Variants in DNAJC1 observed in about 807,000 individuals in gnomAD.
DNAJC1 encodes the protein DnaJ heat shock protein family (Hsp40) member C1.
A neutral mutation model predicts 76.6 loss-of-function variants in DNAJC1; 58 were observed. The observed-to-expected ratio is 0.76, with a 90% CI of 0.61 to 0.94. DNAJC1 has a LOEUF of 0.94. Among genes scored for constraint, DNAJC1 ranks in the 40% least tolerant of loss-of-function variants. The pLI is 0.00. For missense variants in DNAJC1, 689 were observed against 677.3 expected (o/e 1.02, Z -0.19); for synonymous variants, 258 against 267.9 (o/e 0.96, Z 0.36).
rs188701225 is a variant in DNAJC1, at chr10:21,987,774, T to C, written c.222+15439A>G. Among the ~76,000 whole-genome samples the C allele has an allele frequency of 2.8e-3, 425 of 152,086 alleles. 7 individuals are homozygous for C. Among genetic ancestry groups the C allele is most frequent in the Non-Finnish European group, 4.9e-4 (33 of 67,956 alleles). On this transcript the variant is annotated intron_variant, in intron 1 of 11. Transcript: ENST00000376980. Reference sequence around the variant, plus strand: ...CAACACTCTTCTTTCCAAAGTAATATAATCTACACGGATATATGTTAGTAA... The same window carrying C: ...CAACACTCTTCTTTCCAAAGTAATACAATCTACACGGATATATGTTAGTAA...
intron 8 of DNAJC1, 150 bp downstream of exon 8, chr10:21,882,132 T>A (rs1329760626): frequency 5.7e-6 from 4 of 704,514 alleles, no homozygotes; most frequent in Middle Eastern, 4.3e-4. Context: ...CCAGCCTGGG[T>A]GACAGAGCGA....
chr10:21,843,628 C>T (rs1030781998), intron 8 of DNAJC1, among the ~76,000 whole-genome samples: 1 of 151,940 alleles, frequency 6.6e-6, no homozygotes. Flanking sequence ...CTCCTGACCT[C>T]GTGATCCACT....
intron 8 of DNAJC1, among the ~76,000 whole-genome samples, chr10:21,875,728 C>A (rs1376156702): frequency 6.6e-6 from 1 of 152,138 alleles, no homozygotes; most frequent in African/African-American, 2.4e-5. Flanking sequence ...GAGTTCAGAC[C>A]AGCCTGGCCA....
chr10:21,957,043 C>G (rs376254253), intron 1 of DNAJC1, among the ~76,000 whole-genome samples: 2 of 151,944 alleles, frequency 1.3e-5, no homozygotes, highest in East Asian at 1.9e-4. Context: ...AGGTACCCGC[C>G]ACCGCACCTG....
At chr10:21,905,902 C>G (rs1215323713) in intron 6 of DNAJC1, among the ~76,000 whole-genome samples, 2 of 152,118 alleles carry the variant, frequency 1.3e-5, no homozygotes, top group East Asian at 3.8e-4. Flanking sequence ...ATAGACCCAT[C>G]TGAGAGAGCT....
intron 9 of DNAJC1, among the ~76,000 whole-genome samples, chr10:21,771,504 C>CTT (rs58483474): frequency 1.4e-5 from 2 of 146,316 alleles, no homozygotes; most frequent in Non-Finnish European, 1.5e-5. Flanking sequence ...TTGTCAAACA[C>CTT]TTTTTTTTTT....
intron 8 of DNAJC1, among the ~76,000 whole-genome samples, chr10:21,847,539 CT>C (rs1353128215): frequency 6.6e-6 from 1 of 152,072 alleles, no homozygotes; most frequent in African/African-American, 2.4e-5. Flanking sequence ...AGAACTTATT[CT>C]TTCTAACTGT....
intron 7 of DNAJC1, among the ~76,000 whole-genome samples, chr10:21,901,871 G>A (rs1836660812): frequency 6.6e-6 from 1 of 151,978 alleles, no homozygotes; most frequent in Non-Finnish European, 1.5e-5. Context: ...AGAAGGATGG[G>A]GCAAATGAAA....
intron 1 of DNAJC1, among the ~76,000 whole-genome samples, chr10:21,962,789 T>C (rs1407188207): frequency 6.6e-6 from 1 of 151,980 alleles, no homozygotes; most frequent in Non-Finnish European, 1.5e-5. Context: ...CTGCACATTA[T>C]TTAAAATTTC....
intron 9 of DNAJC1, chr10:21,803,817 T>C (rs1371690665): frequency 2.1e-6 from 2 of 963,984 alleles, no homozygotes; most frequent in Admixed American, 6.2e-5. Context: ...TACATATTTA[T>C]TTCCAAGGTA....
At chr10:21,799,445 G>C (rs1834788029) in intron 9 of DNAJC1, among the ~76,000 whole-genome samples, 1 of 152,008 alleles carries the variant, frequency 6.6e-6, no homozygotes, top group Non-Finnish European at 1.5e-5. Flanking sequence ...ACACAGGTGT[G>C]TGCAACCACA....
chr10:21,800,329 G>A (rs572302130), intron 9 of DNAJC1, among the ~76,000 whole-genome samples: 4 of 152,296 alleles, frequency 2.6e-5, no homozygotes, highest in Non-Finnish European at 4.4e-5. Context: ...TAGTGGGAAT[G>A]TGTATTGTTA....
intron 6 of DNAJC1, among the ~76,000 whole-genome samples, chr10:21,913,565 A>G (rs779724947): frequency 6.6e-6 from 1 of 152,232 alleles, no homozygotes; most frequent in African/African-American, 2.4e-5. Flanking sequence ...AGCACTGATT[A>G]TATGTCACCA....
chr10:21,836,017 A>G (rs919875046), intron 8 of DNAJC1, among the ~76,000 whole-genome samples: 5 of 152,184 alleles, frequency 3.3e-5, no homozygotes, highest in Non-Finnish European at 7.3e-5. Flanking sequence ...TCCAAGACAC[A>G]TAATTGTCAC....
intron 10 of DNAJC1, 67 bp downstream of exon 10, chr10:21,766,194 T>C (rs1834297927): frequency 1.5e-5 from 17 of 1,167,384 alleles, no homozygotes; most frequent in South Asian, 3.8e-5. Flanking sequence ...AAAGAAGTTA[T>C]TATAAAAAGG....
At chr10:21,841,936 T>C (rs1835580794) in intron 8 of DNAJC1, among the ~76,000 whole-genome samples, 1 of 152,040 alleles carries the variant, frequency 6.6e-6, no homozygotes, top group Non-Finnish European at 1.5e-5. Flanking sequence ...GATGAGTTCA[T>C]GTCCTTTGTA....
chr10:21,808,200 A>G (rs1834911423), intron 8 of DNAJC1, among the ~76,000 whole-genome samples: 1 of 152,168 alleles, frequency 6.6e-6, no homozygotes, highest in South Asian at 2.1e-4. Flanking sequence ...TTTGGAGCAA[A>G]AAAATTGTCT....
intron 8 of DNAJC1, among the ~76,000 whole-genome samples, chr10:21,842,867 T>G (rs1250681928): frequency 1.3e-5 from 2 of 152,230 alleles, no homozygotes; most frequent in Non-Finnish European, 2.9e-5. Flanking sequence ...TAAAATCTAC[T>G]ATCTCTCTAG....
At chr10:21,760,636 G>A (rs529907329) in intron 10 of DNAJC1, among the ~76,000 whole-genome samples, 1 of 152,322 alleles carries the variant, frequency 6.6e-6, no homozygotes, top group Admixed American at 6.5e-5. Context: ...AAACCACTTG[G>A]TGTAGTACTG....
Sources: allele counts gnomAD v4.1 joint callset (sites outside exome capture counted in the v4.1 genomes callset), GRCh38; gene constraint gnomAD v4.1.1; transcripts MANE v1.5; gene names NCBI Gene and HGNC (gene_info 2026-07-23, HGNC 2026-07-21).